The following AKNA variants were observed in gnomAD, a reference collection of about 807,000 sequenced individuals.
AKNA encodes microtubule organization protein AKNA.
Under a neutral mutation model 138.8 loss-of-function variants are expected in AKNA, and 67 were observed. The observed-to-expected ratio is 0.48, with a 90% CI of 0.40 to 0.59. The LOEUF is 0.59. Among genes scored for constraint, AKNA ranks in the 20% least tolerant of loss-of-function variants. The pLI, the probability that AKNA is intolerant of heterozygous loss-of-function variation, is 0.00. For synonymous variants in AKNA, 737 were observed against 754.4 expected (o/e 0.98, Z 0.38); for missense variants, 1,813 against 1,880.4 (o/e 0.96, Z 0.66).
chr9:114,341,206 C>T lies in AKNA; in HGVS notation c.4067+327G>A, dbSNP rs531102974. 3.9e-5 allele frequency among the ~76,000 whole-genome samples: 6 copies of T among 152,218 alleles called. 1 individual carries two copies. Among genetic ancestry groups the T allele is most frequent in the African/African-American group, 1.4e-4 (6 of 41,536 alleles). Reference sequence around the variant, plus strand: ...GCTCATCACTTACTTGCGGAGAAAACCCATAAGGAAAATGGAAGATGGTTA... The same window carrying T: ...GCTCATCACTTACTTGCGGAGAAAATCCATAAGGAAAATGGAAGATGGTTA... On this transcript the variant is annotated intron_variant, in intron 21 of 21. Coordinates refer to ENST00000374088, the MANE Select transcript of AKNA (RefSeq NM_001317950.2).
chr9:114,379,628 G>A (rs1358749888), intron 2 of AKNA, among the ~76,000 whole-genome samples: 1 of 152,128 alleles, frequency 6.6e-6, no homozygotes, highest in Non-Finnish European at 1.5e-5. Flanking sequence ...CTAAAACAGG[G>A]GCATCTTGCT....
Position 114,376,513 on chromosome 9 carries a change from C to T in AKNA, c.1294G>A (p.Glu432Lys). ...GTGGCTTGCTCAGGCGTCTGAAATT[C>T]TTGGGGTACCCTGGTGATAGGGTGG... ...PAHPITRVPQ[E>K]FQTPEQATEL... is the part of the protein sequence containing the mutation. Residue 432 changes from glutamate to lysine, a missense_variant, in exon 3 of 22, where the codon GAA becomes AAA. By Grantham distance (56) the Glu-to-Lys change is moderately conservative. Coordinates refer to ENST00000374088, the MANE Select transcript of AKNA (RefSeq NM_001317950.2). 1 of 1,613,894 alleles carries T rather than the reference C, an allele frequency of 6.2e-7. No homozygotes were observed. Among genetic ancestry groups the T allele is most frequent in the Non-Finnish European group, 8.5e-7 (1 of 1,179,926 alleles).
chr9:114,383,763 C>G (rs7041363), intron 1 of AKNA, among the ~76,000 whole-genome samples: 60,329 of 152,056 alleles, frequency 0.4, 13,782 homozygotes, highest in South Asian at 0.56. Context: ...TTTTTGGACA[C>G]AAAGTTCCCC....
chr9:114,338,271 C>T (rs1830125142), intron 21 of AKNA, among the ~76,000 whole-genome samples: 1 of 152,192 alleles, frequency 6.6e-6, no homozygotes. Context: ...AGGAGCTATT[C>T]AAATGGACAA....
At position 114,381,300 on chromosome 9, in the gene AKNA, C is replaced by CTG; in HGVS notation, c.33_34insCA (p.Glu12GlnfsTer46). 6.2e-7 allele frequency: 1 copy of CTG among 1,607,890 alleles called. No homozygotes were observed. Among genetic ancestry groups the CTG allele is most frequent in the Middle Eastern group, 1.7e-4 (1 of 6,052 alleles). ...TGGGGGCCCTTCCCCAGGCCAGGCT[C>CTG]AGCCCAGCGGATCTCAGTCTCCGAG... On this transcript the variant is annotated frameshift_variant, in exon 2 of 22. Transcript: ENST00000374088. LOFTEE classifies it high-confidence loss of function.
chr9:114,362,774 G>C (rs771527298), intron 7 of AKNA, among the ~76,000 whole-genome samples: 1 of 152,222 alleles, frequency 6.6e-6, no homozygotes, highest in Non-Finnish European at 1.5e-5. Flanking sequence ...CTTGGCACCA[G>C]CTCCAGAGGG....
At chr9:114,342,511 C>T (rs1013341817) in intron 19 of AKNA, among the ~76,000 whole-genome samples, 20 of 152,060 alleles carry the variant, frequency 1.3e-4, no homozygotes, top group Admixed American at 2.6e-4. Flanking sequence ...CCCAACCCCC[C>T]GCCCCAACCA....
At chr9:114,363,563 C>A (rs1832125221) in intron 7 of AKNA, among the ~76,000 whole-genome samples, 1 of 152,170 alleles carries the variant, frequency 6.6e-6, no homozygotes, top group Non-Finnish European at 1.5e-5. Context: ...TCTATGTAAC[C>A]ACACAGGAAA....
At chr9:114,337,416 T>A in intron 21 of AKNA, 110 bp from the exon 22 acceptor site, 1 of 1,160,586 alleles carries the variant, frequency 8.6e-7, no homozygotes, top group Non-Finnish European at 1.1e-6. Flanking sequence ...GGCCAGTGGC[T>A]CCTACTCTCT....
chr9:114,380,983 A>G (rs2763192), intron 2 of AKNA, 77 bp downstream of exon 2: 6,904 of 321,272 alleles, frequency 0.021, 348 homozygotes, highest in African/African-American at 0.18. Flanking sequence ...CTCTGTCTCA[A>G]AAAAAAAAAA....
At chr9:114,361,652 G>A (rs549701616) in intron 9 of AKNA, 52 bp downstream of exon 9, 15 of 1,589,202 alleles carry the variant, frequency 9.4e-6, no homozygotes, top group South Asian at 3.3e-5. Flanking sequence ...ATGAATTAAC[G>A]AAGAAATGAA....
Position 114,337,012 on chromosome 9 carries a change from T to TGGGGGGGGGGGGGC in AKNA, c.*41_*42insGCCCCCCCCCCCCC. On this transcript the variant is annotated 3_prime_UTR_variant, in exon 22 of 22. Transcript: ENST00000374088. ...CCCACTCCTGGCCTGGCAGGCCACC[T>TGGGGGGGGGGGGGC]GCCCACCCACCCACCCATCTGCCTC... 8 of 1,208,224 alleles carry TGGGGGGGGGGGGGC rather than the reference T, an allele frequency of 6.6e-6. No individual in the cohort carries two copies. Among genetic ancestry groups the TGGGGGGGGGGGGGC allele is most frequent in the South Asian group, 2.1e-5 (1 of 47,706 alleles). The allele number at this position is 1,208,224 out of a possible 1,614,324, so 74.8% of individuals were successfully genotyped here. A position where few individuals can be genotyped will look rare whatever the true frequency, so the allele number is the denominator to read the frequency against.
chr9:114,382,172 G>A (rs1185230212), intron 1 of AKNA, among the ~76,000 whole-genome samples: 6 of 152,182 alleles, frequency 3.9e-5, no homozygotes, highest in Non-Finnish European at 5.9e-5. Context: ...GAGGAGGCAC[G>A]GGGGCTGCCC....
intron 9 of AKNA, among the ~76,000 whole-genome samples, chr9:114,361,425 A>G (rs1004378081): frequency 1.3e-5 from 2 of 152,068 alleles, no homozygotes; most frequent in South Asian, 2.1e-4. Flanking sequence ...CCTTCAGTGC[A>G]CTGACCAAAA....
chr9:114,343,650 A>T, intron 19 of AKNA, 58 bp downstream of exon 19: 1 of 1,552,250 alleles, frequency 6.4e-7, no homozygotes, highest in Middle Eastern at 1.7e-4. Context: ...CACTCCCCTG[A>T]GGGCAAGAAG....
intron 14 of AKNA, among the ~76,000 whole-genome samples, chr9:114,355,218 C>T (rs564381600): frequency 6.6e-6 from 1 of 150,976 alleles, no homozygotes; most frequent in African/African-American, 2.4e-5. Context: ...CTCTGTCACC[C>T]AGGCTGGAGT....
rs370154556 is a variant in AKNA at position 114,381,359 on chromosome 9, G to A, written c.-26C>T. On this transcript the variant is annotated 5_prime_UTR_variant, in exon 2 of 22. Coordinates refer to ENST00000374088, the MANE Select transcript of AKNA (RefSeq NM_001317950.2). ...TGGGGCTGGCCTGGGCTTCACCTGG[G>A]CCACTTCATCTTCAGGAGACAGAGC... is the stretch of plus-strand genomic sequence containing the variant. 1.6e-5 allele frequency: 25 copies of A among 1,524,676 alleles called. No individual in the cohort carries two copies. Among genetic ancestry groups the A allele is most frequent in the African/African-American group, 2.8e-5 (2 of 72,236 alleles). 94.4% of individuals were successfully genotyped at this position (1,524,676 alleles called of 1,614,324 possible).
chr9:114,377,126 C>G lies in AKNA; in HGVS notation c.681G>C (p.Gln227His). 6.2e-7 allele frequency: 1 copy of G among 1,614,172 alleles called. No homozygotes were observed. The highest frequency in any genetic ancestry group is 8.5e-7 in the Non-Finnish European group (1 of 1,180,010). ...STWEGETDGP[Q>H]PTALAETLPE... The stretch of plus-strand genomic sequence containing the variant: ...GCAAGGTTTCTGCCAGGGCAGTGGG[C>G]TGGGGGCCATCGGTCTCTCCTTCCC... Residue 227 changes from glutamine to histidine, a missense_variant, in exon 3 of 22, where the codon CAG (glutamine) becomes CAC (histidine). Physicochemically the swap from Gln to His is conservative, Grantham distance 24 (BLOSUM62 0). Coordinates refer to ENST00000374088, the MANE Select transcript of AKNA (RefSeq NM_001317950.2).
intron 4 of AKNA, among the ~76,000 whole-genome samples, chr9:114,371,731 C>T (rs565127162): frequency 6.6e-6 from 1 of 152,338 alleles, no homozygotes; most frequent in African/African-American, 2.4e-5. Context: ...TTGCTGTCCA[C>T]CTACCCACCA....
Sources: allele counts gnomAD v4.1 joint callset (sites outside exome capture counted in the v4.1 genomes callset), GRCh38; gene constraint gnomAD v4.1.1; transcripts MANE v1.5; gene names NCBI Gene and HGNC (gene_info 2026-07-23, HGNC 2026-07-21).